Variants in FAF1 observed in about 807,000 individuals in gnomAD.
FAF1 encodes the protein Fas associated factor 1, also known as FAS-associated factor 1.
FAF1 carries 25 observed loss-of-function variants against 92.5 expected under a neutral mutation model. The observed-to-expected ratio is 0.27, with a 90% CI of 0.20 to 0.38. The LOEUF (loss-of-function observed/expected upper bound fraction) is 0.38. FAF1 is among the 10% of genes least tolerant of loss of function. The pLI is 1.00. For missense variants in FAF1, 636 were observed against 793.3 expected (o/e 0.80, Z 2.38); for synonymous variants, 234 against 273.2 (o/e 0.86, Z 1.42).
intron 15 of FAF1, among the ~76,000 whole-genome samples, chr1:50,513,187 G>T (rs772547165): frequency 1.3e-5 from 2 of 152,078 alleles, no homozygotes; most frequent in Admixed American, 1.3e-4. Flanking sequence ...TGATAAAAAC[G>T]AATTCTCACT....
intron 13 of FAF1, among the ~76,000 whole-genome samples, chr1:50,559,740 C>T (rs1649780044): frequency 6.6e-6 from 1 of 152,104 alleles, no homozygotes; most frequent in East Asian, 1.9e-4. Flanking sequence ...GGAGGGGTTC[C>T]TCCTCACCTT....
intron 4 of FAF1, among the ~76,000 whole-genome samples, chr1:50,780,074 A>T (rs780205108): frequency 6.6e-6 from 1 of 152,030 alleles, no homozygotes; most frequent in Non-Finnish European, 1.5e-5. Context: ...AAAACATATA[A>T]GAAAATGTTG....
chr1:50,838,782 T>C (rs572903813), intron 2 of FAF1, among the ~76,000 whole-genome samples: 197 of 152,154 alleles, frequency 1.3e-3, no homozygotes, highest in African/African-American at 4.3e-3. Context: ...AAAGAACACA[T>C]CACTATTACT....
chr1:50,935,008 T>C (rs1645075324), intron 1 of FAF1, among the ~76,000 whole-genome samples: 1 of 152,226 alleles, frequency 6.6e-6, no homozygotes, highest in South Asian at 2.1e-4. Flanking sequence ...GTGATTTTCC[T>C]TGCATTAAAC....
At chr1:50,566,716 AACTT>A (rs1265577932) in intron 13 of FAF1, among the ~76,000 whole-genome samples, 2 of 152,086 alleles carry the variant, frequency 1.3e-5, no homozygotes, top group East Asian at 1.9e-4. Context: ...TTAAAAAATA[AACTT>A]ACTACTAGGA....
intron 1 of FAF1, among the ~76,000 whole-genome samples, chr1:50,863,980 T>TG (rs1290456110): frequency 6.6e-6 from 1 of 151,988 alleles, no homozygotes. Flanking sequence ...GATTTTCTAG[T>TG]TTATTTGCGT....
intron 9 of FAF1, among the ~76,000 whole-genome samples, chr1:50,590,609 CCTTT>C (rs903047902): frequency 1.3e-5 from 2 of 152,176 alleles, no homozygotes; most frequent in African/African-American, 4.8e-5. Flanking sequence ...TTTAATCCTT[CCTTT>C]TATTTCTTTT....
intron 2 of FAF1, among the ~76,000 whole-genome samples, chr1:50,845,194 A>C (rs1384857542): frequency 2.0e-5 from 3 of 152,206 alleles, no homozygotes; most frequent in Non-Finnish European, 4.4e-5. Context: ...TTCTCTGTAA[A>C]AGGCACTGGA....
intron 15 of FAF1, among the ~76,000 whole-genome samples, chr1:50,497,129 TTAA>T (rs1438309844): frequency 6.6e-6 from 1 of 150,846 alleles, no homozygotes; most frequent in Non-Finnish European, 1.5e-5. Flanking sequence ...TTACTTAAAG[TTAA>T]TAATAAAAAA....
rs143011339 is a variant in FAF1 at position 50,769,910 on chromosome 1, G to A, written c.367+18090C>T. 9.9e-3 allele frequency among the ~76,000 whole-genome samples: 1,502 copies of A among 152,154 alleles called. 21 individuals carry two copies. Among genetic ancestry groups the A allele is most frequent in the African/African-American group, 0.034 (1,414 of 41,478 alleles). On this transcript the variant is annotated intron_variant, in intron 4 of 18. Transcript: ENST00000396153. ...TACAAAAAATACAAAAATTAGCTGCGCGTGGTGGCCCATGCCTATAGTCCC... is the reference window on the plus strand; with the variant it reads ...TACAAAAAATACAAAAATTAGCTGCACGTGGTGGCCCATGCCTATAGTCCC...
chr1:50,720,918 C>T (rs1297838115), intron 6 of FAF1, among the ~76,000 whole-genome samples: 1 of 152,186 alleles, frequency 6.6e-6, no homozygotes, highest in African/African-American at 2.4e-5. Context: ...AAGCCCCACG[C>T]TCCTATTCCT....
intron 3 of FAF1, among the ~76,000 whole-genome samples, chr1:50,796,053 C>G (rs766092635): frequency 6.6e-6 from 1 of 150,776 alleles, no homozygotes; most frequent in Non-Finnish European, 1.5e-5. Flanking sequence ...AAAAAAACAA[C>G]AACAACAAAA....
At chr1:50,625,626 AAG>A (rs1424739234) in intron 8 of FAF1, among the ~76,000 whole-genome samples, 1 of 152,194 alleles carries the variant, frequency 6.6e-6, no homozygotes, top group African/African-American at 2.4e-5. Context: ...TTAGAAGAGA[AAG>A]AAATGATATG....
chr1:50,897,429 T>C (rs1006599806), intron 1 of FAF1, among the ~76,000 whole-genome samples: 3 of 152,218 alleles, frequency 2.0e-5, no homozygotes, highest in Non-Finnish European at 4.4e-5. Flanking sequence ...AACATGTAGA[T>C]GAAAAAATAA....
At chr1:50,907,728 C>T (rs1347876368) in intron 1 of FAF1, among the ~76,000 whole-genome samples, 1 of 151,754 alleles carries the variant, frequency 6.6e-6, no homozygotes, top group Non-Finnish European at 1.5e-5. Flanking sequence ...TGGTGATATC[C>T]CCTTTATCAT....
intron 18 of FAF1, among the ~76,000 whole-genome samples, chr1:50,463,219 A>T (rs1220082307): frequency 2.0e-5 from 3 of 152,154 alleles, no homozygotes; most frequent in Admixed American, 1.3e-4. Context: ...AACATTTCAC[A>T]TGTGTTGTCT....
chr1:50,921,160 C>T (rs544399770), intron 1 of FAF1, among the ~76,000 whole-genome samples: 9 of 152,314 alleles, frequency 5.9e-5, no homozygotes, highest in Non-Finnish European at 1.2e-4. Flanking sequence ...GTCCAGGGGC[C>T]TTAGGTTGGC....
chr1:50,878,253 C>T (rs1002854884), intron 1 of FAF1, among the ~76,000 whole-genome samples: 1 of 152,148 alleles, frequency 6.6e-6, no homozygotes, highest in African/African-American at 2.4e-5. Flanking sequence ...ACAAAATGAA[C>T]TTAGTAAGCA....
chr1:50,662,360 T>A (rs1655412281), intron 7 of FAF1, among the ~76,000 whole-genome samples: 1 of 152,234 alleles, frequency 6.6e-6, no homozygotes, highest in Non-Finnish European at 1.5e-5. Context: ...TTTTGCTTTG[T>A]ACCATACTTT....
Sources: gnomAD v4.1 joint callset for allele counts (sites outside exome capture counted in the v4.1 genomes callset) on GRCh38, gnomAD v4.1.1 for gene constraint, MANE v1.5 for transcripts, NCBI Gene and HGNC (gene_info 2026-07-23, HGNC 2026-07-21) for gene names.